The following BABAM1 variants were observed in gnomAD, a reference collection of about 807,000 sequenced individuals.
The protein encoded by BABAM1 is BRISC and BRCA1 A complex member 1.
In BABAM1, 14 loss-of-function variants were observed where a neutral mutation model predicts 34.4. The observed-to-expected ratio is 0.41, with a 90% CI of 0.27 to 0.64. The LOEUF (loss-of-function observed/expected upper bound fraction) is 0.64. Among genes scored for constraint, BABAM1 ranks in the 30% least tolerant of loss-of-function variants. The pLI is 0.34. For missense variants in BABAM1, 393 were observed against 434.0 expected, an observed-to-expected ratio of 0.91 and a Z score of 0.84; for synonymous variants, 169 against 165.8, an observed-to-expected ratio of 1.02 and a Z score of -0.15.
At chr19:17,270,152 C>T (rs545131475) in intron 2 of BABAM1, among the ~76,000 whole-genome samples, 2 of 152,144 alleles carry the variant, frequency 1.3e-5, no homozygotes, top group East Asian at 1.9e-4. Context: ...AGGATGGTCT[C>T]GATCTCTTGA....
chr19:17,267,618 G>A (rs1432769327), intron 1 of BABAM1, 91 bp downstream of exon 1: 1 of 152,200 alleles, frequency 6.6e-6, no homozygotes, highest in Non-Finnish European at 1.5e-5. Flanking sequence ...TGGGGCTTCC[G>A]CCTTTATTTC....
At position 17,275,682 on chromosome 19, in the gene BABAM1, C is replaced by T; in HGVS notation, c.545-119C>T. On this transcript the variant is annotated intron_variant, in intron 5 of 8. Coordinates refer to ENST00000598188, the MANE Select transcript of BABAM1 (RefSeq NM_014173.4). ...GTGTCAGAGAGGGCAAGTGACTTGG[C>T]CAGGGTCACATGGTGCGTCCCTAGG... The T allele has an allele frequency of 2.3e-6, 3 of 1,314,428 alleles. No homozygotes were observed. In the Admixed American group the frequency reaches 5.3e-5, roughly 23 times the overall value. The allele number at this position is 1,314,428 out of a possible 1,614,324, so 81.4% of individuals were successfully genotyped here. A position where few individuals can be genotyped will look rare whatever the true frequency, so the allele number is the denominator to read the frequency against.
Position 17,268,942 on chromosome 19 carries a change from G to C in BABAM1, c.136G>C (p.Gly46Arg). The change falls in exon 2 of 9, where the codon GGC becomes CGC. Residue 46 changes from glycine to arginine, a missense_variant. Gly to Arg is a moderately radical substitution (Grantham distance 125, BLOSUM62 -2). Transcript: ENST00000598188. ...DRAVGAQASV[G>R]SRSEGEGEAA... is the part of the protein sequence containing the mutation. ...GGCAGTAGGGGCACAGGCCAGCGTG[G>C]GCAGCCGCAGCGAGGGTGAGGGTGA... is the stretch of plus-strand genomic sequence containing the variant. The C allele has an allele frequency of 1.3e-6, 2 of 1,575,426 alleles. No individual in the cohort carries two copies. Among genetic ancestry groups the C allele is most frequent in the Non-Finnish European group, 8.6e-7 (1 of 1,161,682 alleles).
intron 8 of BABAM1, among the ~76,000 whole-genome samples, chr19:17,277,804 G>A (rs929777651): frequency 8.5e-5 from 13 of 152,102 alleles, no homozygotes; most frequent in Non-Finnish European, 1.3e-4. Flanking sequence ...GCTAGAGCTC[G>A]AAAGGTGGAG....
intron 2 of BABAM1, among the ~76,000 whole-genome samples, chr19:17,270,524 C>CT (rs955870596): frequency 0.16 from 19,677 of 125,878 alleles, 2,202 homozygotes; most frequent in African/African-American, 0.18. Context: ...AGGTCACATT[C>CT]TTTTTTTTTT....
intron 8 of BABAM1, 142 bp from the exon 9 acceptor site, chr19:17,278,703 T>C (rs1182996827): frequency 1.3e-6 from 1 of 748,378 alleles, no homozygotes; most frequent in East Asian, 2.7e-5. Context: ...GTGTGAATGG[T>C]TTCTGCTTGG....
At chr19:17,270,524 CT>C (rs955870596) in intron 2 of BABAM1, among the ~76,000 whole-genome samples, 1,998 of 125,850 alleles carry the variant, frequency 0.016, 8 homozygotes, top group South Asian at 0.037. Context: ...AGGTCACATT[CT>C]TTTTTTTTTT....
At position 17,268,889 on chromosome 19, in the gene BABAM1, G is replaced by A; in HGVS notation, c.83G>A (p.Arg28His). ...TCGGCAGAGCCTCGGCCCCGCACTC[G>A]CTCCAATCCTGAAGGGGCTGAGGAC... ...EHSAEPRPRT[R>H]SNPEGAEDRA... Residue 28 changes from arginine to histidine, a missense_variant, in exon 2 of 9, where the codon CGC becomes CAC. Arg to His is a conservative substitution (Grantham distance 29). Coordinates refer to ENST00000598188, the MANE Select transcript of BABAM1 (RefSeq NM_014173.4). The A allele has an allele frequency of 2.5e-6, 4 of 1,593,714 alleles. No individual in the cohort carries two copies. Among genetic ancestry groups the A allele is most frequent in the South Asian group, 1.1e-5 (1 of 88,074 alleles).
chr19:17,268,894 A>G lies in BABAM1; in HGVS notation c.88A>G (p.Asn30Asp). ...AGAGCCTCGGCCCCGCACTCGCTCC[A>G]ATCCTGAAGGGGCTGAGGACCGGGC... ...SAEPRPRTRS[N>D]PEGAEDRAVG... is the part of the protein sequence containing the mutation. The change falls in exon 2 of 9, where the codon AAT becomes GAT. Residue 30 changes from asparagine (N) to aspartate (D), a missense_variant. Coordinates refer to ENST00000598188, the MANE Select transcript of BABAM1 (RefSeq NM_014173.4). 1.3e-6 allele frequency: 2 copies of G among 1,592,046 alleles called. No homozygotes were observed. The highest frequency in any genetic ancestry group is 1.7e-6 in the Non-Finnish European group (2 of 1,170,190).
In BABAM1 at chr19:17,273,924, A is replaced by G. The variant is rs756119940; in HGVS notation, c.365A>G (p.Asn122Ser). Reference sequence around the variant, plus strand: ...CCCAGCTCCAAAACCAACGCCCTCAATGTCTCCCAGAAGATGATTGAGATG... The same window carrying G: ...CCCAGCTCCAAAACCAACGCCCTCAGTGTCTCCCAGAAGATGATTGAGATG... Reference protein sequence around the residue: ...SFNGSKTNALNVSQKMIEMFV... With the variant: ...SFNGSKTNALSVSQKMIEMFV... The change falls in exon 4 of 9, where the codon AAT becomes AGT. Residue 122 changes from asparagine to serine, a missense_variant. Transcript: ENST00000598188. 1.1e-5 allele frequency: 17 copies of G among 1,612,962 alleles called. No homozygotes were observed. The highest frequency in any genetic ancestry group is 2.7e-5 in the African/African-American group (2 of 74,824).
chr19:17,274,407 A>G (rs995793679), intron 5 of BABAM1: 1 of 583,544 alleles, frequency 1.7e-6, no homozygotes, highest in East Asian at 3.0e-5. Flanking sequence ...ACAGAAGCAA[A>G]AGTACCTGAT....
Position 17,276,838 on chromosome 19 carries a change from C to T in BABAM1, c.715C>T (p.Pro239Ser), listed in dbSNP as rs752370874. ...TCCCCTGCAGAAAATGTTCCAGTGC[C>T]CATATTTCTTCTTTGACGTTGTTTA... Reference protein sequence around the residue: ...TEPMKKMFQCPYFFFDVVYIH... With the variant: ...TEPMKKMFQCSYFFFDVVYIH... The change falls in exon 8 of 9, where the codon CCA becomes TCA. Residue 239 changes from proline to serine, a missense_variant. Pro to Ser is a moderately conservative substitution (Grantham distance 74, BLOSUM62 -1). Transcript: ENST00000598188. 1.2e-6 allele frequency: 2 copies of T among 1,604,968 alleles called. No homozygotes were observed. Among genetic ancestry groups the T allele is most frequent in the East Asian group, 4.5e-5 (2 of 44,606 alleles).
At chr19:17,276,309 G>A (rs1054674253) in intron 6 of BABAM1, 186 bp from the exon 7 acceptor site, 2 of 799,614 alleles carry the variant, frequency 2.5e-6, no homozygotes, top group African/African-American at 3.4e-5. Flanking sequence ...CACTTAGAGG[G>A]GTGGGGCTGG....
chr19:17,276,932 A>G (rs2073916409), intron 8 of BABAM1, 23 bp downstream of exon 8: 1 of 1,570,186 alleles, frequency 6.4e-7, no homozygotes. Flanking sequence ...AGCAGGTGTG[A>G]GTAGCAGGCG....
At position 17,268,554 on chromosome 19, in the gene BABAM1, C is replaced by T. The variant is rs138555544; in HGVS notation, c.-13-240C>T. The T allele has an allele frequency of 2.0e-3, 711 of 362,342 alleles. 3 individuals carry two copies. Among genetic ancestry groups the T allele is most frequent in the African/African-American group, 0.013 (629 of 48,000 alleles). 22.4% of individuals were successfully genotyped at this position (362,342 alleles called of 1,614,324 possible). ...AAGCGATTCTCCTGCCTCAGCCTCCCGAGTAGCTGGGATTATCCGCATGCG... is the reference window on the plus strand; with the variant it reads ...AAGCGATTCTCCTGCCTCAGCCTCCTGAGTAGCTGGGATTATCCGCATGCG... On this transcript the variant is annotated intron_variant, in intron 1 of 8. Transcript: ENST00000598188.
At chr19:17,268,578 C>T (rs142751964) in intron 1 of BABAM1, 278 of 452,456 alleles carry the variant, frequency 6.1e-4, no homozygotes, top group African/African-American at 4.6e-3. Context: ...TATCCGCATG[C>T]GCCACCACGC....
Position 17,271,673 on chromosome 19 carries a change from G to T in BABAM1, c.344+18G>T. The T allele has an allele frequency of 6.2e-7, 1 of 1,612,790 alleles. No homozygotes were observed. The highest frequency in any genetic ancestry group is 1.1e-5 in the South Asian group (1 of 90,974). ...TTCAACGGGTAAGAGGGACATTTTA[G>T]GGCTTGAACATGCAGCCATGGCAGG... On this transcript the variant is annotated intron_variant, in intron 3 of 8. Transcript: ENST00000598188.
chr19:17,268,799 C>A lies in BABAM1; in HGVS notation c.-8C>A. 6.3e-7 allele frequency: 1 copy of A among 1,595,556 alleles called. No homozygotes were observed. Among genetic ancestry groups the A allele is most frequent in the Non-Finnish European group, 8.6e-7 (1 of 1,169,476 alleles). The stretch of plus-strand genomic sequence containing the variant: ...CCTGTCCGTGTTCCATCTAGCCACA[C>A]AGGAGCCATGGAAGTGGCAGAGCCC... On this transcript the variant is annotated 5_prime_UTR_variant, in exon 2 of 9. Coordinates refer to ENST00000598188, the MANE Select transcript of BABAM1 (RefSeq NM_014173.4).
At chr19:17,268,187 C>T (rs187178696) in intron 1 of BABAM1, among the ~76,000 whole-genome samples, 66 of 151,666 alleles carry the variant, frequency 4.4e-4, no homozygotes, top group Middle Eastern at 3.4e-3. Context: ...ATCCCTGAGC[C>T]ATTTTCAGTG....
Sources: allele counts gnomAD v4.1 joint callset (sites outside exome capture counted in the v4.1 genomes callset), GRCh38; gene constraint gnomAD v4.1.1; transcripts MANE v1.5; gene names NCBI Gene and HGNC (gene_info 2026-07-23, HGNC 2026-07-21).